The following TPO variants were observed in gnomAD, a reference collection of about 807,000 sequenced individuals.
TPO encodes the protein thyroid peroxidase, also known as thyroid microsomal antigen.
A neutral mutation model predicts 96.9 loss-of-function variants in TPO; 78 were observed. The observed-to-expected ratio is 0.81, with a 90% confidence interval of 0.67 to 0.97. TPO has a LOEUF of 0.97. TPO is among the 50% of genes least tolerant of loss of function. The probability of loss-of-function intolerance (pLI) is 0.00; values close to 1 mark genes in which losing one functional copy is unlikely to be tolerated. For missense variants in TPO, 1,252 were observed against 1,274.8 expected, an observed-to-expected ratio of 0.98 and a Z score of 0.27; for synonymous variants, 547 against 538.0, an observed-to-expected ratio of 1.02 and a Z score of -0.23.
chr2:1,467,000 A>T (rs771841574), intron 7 of TPO, among the ~76,000 whole-genome samples: 8 of 151,664 alleles, frequency 5.3e-5, no homozygotes, highest in Admixed American at 1.3e-4. Context: ...GCTCTTTCAG[A>T]TTTTTTATGT....
chr2:1,448,389 G>A (rs1489483385), intron 5 of TPO, among the ~76,000 whole-genome samples: 1 of 152,160 alleles, frequency 6.6e-6, no homozygotes, highest in African/African-American at 2.4e-5. Flanking sequence ...CCGACCCGAG[G>A]GTCGGCTGCT....
chr2:1,532,857 C>T (rs1678636094), intron 15 of TPO, among the ~76,000 whole-genome samples: 1 of 67,158 alleles, frequency 1.5e-5, no homozygotes, highest in Non-Finnish European at 2.6e-5. Flanking sequence ...CCCCCCCACT[C>T]TGCGCAACCT....
intron 15 of TPO, among the ~76,000 whole-genome samples, chr2:1,529,106 C>T (rs1170800225): frequency 1.7e-5 from 2 of 118,014 alleles, no homozygotes; most frequent in Non-Finnish European, 3.4e-5. Flanking sequence ...CTCTCCAAAT[C>T]CCCCCACTGT....
chr2:1,416,364 C>T (rs1004055359), intron 2 of TPO, among the ~76,000 whole-genome samples: 2 of 152,110 alleles, frequency 1.3e-5, no homozygotes, highest in Non-Finnish European at 2.9e-5. Context: ...CAGAGTAAAA[C>T]ATGTTAGAAG....
intron 7 of TPO, among the ~76,000 whole-genome samples, chr2:1,473,333 C>T (rs1669610061): frequency 6.6e-6 from 1 of 152,312 alleles, no homozygotes; most frequent in South Asian, 2.1e-4. Context: ...CCCCACAGGC[C>T]TAGATAGCAC....
chr2:1,542,653 G>C lies in TPO; in HGVS notation c.*179G>C, dbSNP rs1680894253. On this transcript the variant is annotated 3_prime_UTR_variant, in exon 17 of 17. Transcript: ENST00000329066. ...ATGAATAAATGTTATAGCTGCATTT[G>C]TCTGGCCTTTTCTTGTAAACATTGC... The C allele has an allele frequency of 8.5e-6, 13 of 1,531,404 alleles. No homozygotes were observed. The South Asian group carries it at 1.5e-4, about 17-fold the overall frequency. 94.9% of individuals were successfully genotyped at this position (1,531,404 alleles called of 1,614,324 possible).
At chr2:1,461,528 G>T (rs1481069153) in intron 7 of TPO, among the ~76,000 whole-genome samples, 1 of 152,134 alleles carries the variant, frequency 6.6e-6, no homozygotes. Flanking sequence ...AGTCTCCTCA[G>T]AAGAACCCGA....
At chr2:1,420,189 CAT>C (rs2148423757) in intron 2 of TPO, among the ~76,000 whole-genome samples, 1 of 152,304 alleles carries the variant, frequency 6.6e-6, no homozygotes, top group East Asian at 1.9e-4. Context: ...GACTAAGCAA[CAT>C]ATGATCAGTT....
intron 1 of TPO, among the ~76,000 whole-genome samples, chr2:1,378,146 C>A (rs1171734461): frequency 6.6e-6 from 1 of 152,224 alleles, no homozygotes; most frequent in African/African-American, 2.4e-5. Flanking sequence ...CCATGTGGAA[C>A]TGTGAGTTCG....
intron 5 of TPO, among the ~76,000 whole-genome samples, chr2:1,448,465 T>C (rs547913466): frequency 3.3e-5 from 5 of 152,280 alleles, no homozygotes; most frequent in Admixed American, 3.3e-4. Context: ...TCCTCATCTG[T>C]AATGTGGGAA....
upstream of TPO, among the ~76,000 whole-genome samples, chr2:1,410,655 CTT>C (rs1662318557): frequency 6.6e-6 from 1 of 152,132 alleles, no homozygotes; most frequent in Non-Finnish European, 1.5e-5. Context: ...TGGAAGCGTG[CTT>C]GTCTTCTCGG....
At chr2:1,388,586 C>T (rs957422960) in intron 1 of TPO, among the ~76,000 whole-genome samples, 4 of 152,162 alleles carry the variant, frequency 2.6e-5, no homozygotes, top group Non-Finnish European at 2.9e-5. Flanking sequence ...GGGAGTGACC[C>T]GATTTTCCAG....
Position 1,433,561 on chromosome 2 carries a change from GA to G in TPO, c.307del (p.Arg103GlufsTer5), listed in dbSNP as rs1286476228. ...EIMETSIQAM[K>X]RKVNLKTQQS... ...TAATGGAAACATCAATACAAGCGAT[GA>G]AAAGAAAAGTCAACCTGAAAACTCA... On this transcript the variant is annotated frameshift_variant, in exon 4 of 17. Transcript: ENST00000329066. LOFTEE classifies it high-confidence loss of function. The G allele has an allele frequency of 6.2e-7, 1 of 1,614,178 alleles. No homozygotes were observed.
intron 13 of TPO, among the ~76,000 whole-genome samples, chr2:1,498,778 C>G (rs1558367880): frequency 6.6e-6 from 1 of 152,196 alleles, no homozygotes; most frequent in Non-Finnish European, 1.5e-5. Context: ...TATTGCATGA[C>G]TCCTGACCAT....
intron 1 of TPO, among the ~76,000 whole-genome samples, chr2:1,393,644 G>C (rs1662038145): frequency 6.6e-6 from 1 of 152,082 alleles, no homozygotes; most frequent in Admixed American, 6.5e-5. Context: ...ACTCTCATGA[G>C]AAAAACAAGG....
chr2:1,435,609 A>G (rs183435184), intron 4 of TPO, among the ~76,000 whole-genome samples: 105 of 152,310 alleles, frequency 6.9e-4, no homozygotes, highest in African/African-American at 2.2e-3. Context: ...CTAATGGACA[A>G]TAAAGCCACT....
Position 1,456,184 on chromosome 2 carries a change from A to C in TPO, c.721A>C (p.Ile241Leu). 3 of 1,614,122 alleles carry C rather than the reference A, an allele frequency of 1.9e-6. No individual in the cohort carries two copies. Among genetic ancestry groups the C allele is most frequent in the Non-Finnish European group, 2.5e-6 (3 of 1,180,042 alleles). ...MAWGQYIDHDIAFTPQSTSKA... is the reference protein window; with the variant it reads ...MAWGQYIDHDLAFTPQSTSKA... The stretch of plus-strand genomic sequence containing the variant: ...ATGGGGACAATACATCGACCACGAC[A>C]TCGCGTTCACACCACAGAGCACCAG... The change falls in exon 7 of 17, where the codon ATC (isoleucine) becomes CTC (leucine). Residue 241 changes from isoleucine to leucine, a missense_variant. Transcript: ENST00000329066.
intron 5 of TPO, among the ~76,000 whole-genome samples, chr2:1,443,548 C>T (rs575058349): frequency 2.4e-4 from 36 of 150,760 alleles, no homozygotes; most frequent in African/African-American, 8.5e-4. Context: ...GCAGGAGGCA[C>T]CATGTTGGAA....
At chr2:1,524,830 C>T (rs1676055782) in intron 15 of TPO, among the ~76,000 whole-genome samples, 1 of 140,126 alleles carries the variant, frequency 7.1e-6, no homozygotes, top group African/African-American at 2.7e-5. Flanking sequence ...TCCCCAAATC[C>T]CCACATTCTG....
Sources: gnomAD v4.1 joint callset for allele counts (sites outside exome capture counted in the v4.1 genomes callset) on GRCh38, gnomAD v4.1.1 for gene constraint, MANE v1.5 for transcripts, NCBI Gene and HGNC (gene_info 2026-07-23, HGNC 2026-07-21) for gene names.